ATXN1: variants seen among roughly 807,000 people sequenced by gnomAD.
ATXN1 encodes ataxin-1.
In ATXN1, 8 loss-of-function variants were observed where a neutral mutation model predicts 56.4. The ratio of observed to expected loss-of-function variants is 0.14; its 90% CI spans 0.08 to 0.26. The LOEUF (loss-of-function observed/expected upper bound fraction) is 0.26. Ranked by LOEUF, ATXN1 falls within the 10% of genes least tolerant of loss-of-function variation. ATXN1 has a pLI of 1.00. For synonymous variants in ATXN1, 514 were observed against 494.6 expected, an observed-to-expected ratio of 1.04 and a Z score of -0.52; for missense variants, 987 against 1,106.5, an observed-to-expected ratio of 0.89 and a Z score of 1.53.
At chr6:16,753,163 C>T in intron 2 of ATXN1, 70 bp downstream of exon 2, 1 of 447,388 alleles carries the variant, frequency 2.2e-6, no homozygotes, top group Admixed American at 2.4e-5. Context: ...GGGAGCATGG[C>T]TAGGAGGCAA....
At chr6:16,537,867 C>A (rs1277856596) in intron 4 of ATXN1, among the ~76,000 whole-genome samples, 1 of 152,120 alleles carries the variant, frequency 6.6e-6, no homozygotes, top group African/African-American at 2.4e-5. Flanking sequence ...CTTTGGGAGG[C>A]CAAGGTGGGC....
intron 4 of ATXN1, among the ~76,000 whole-genome samples, chr6:16,527,337 G>C (rs184925595): frequency 6.6e-6 from 1 of 152,232 alleles, no homozygotes; most frequent in African/African-American, 2.4e-5. Flanking sequence ...AGACACGAAT[G>C]CAGTTAACCT....
At chr6:16,638,001 A>G (rs1227929174) in intron 3 of ATXN1, among the ~76,000 whole-genome samples, 1 of 152,228 alleles carries the variant, frequency 6.6e-6, no homozygotes, top group African/African-American at 2.4e-5. Flanking sequence ...TACTAGTATG[A>G]AAGAGAAATA....
At chr6:16,330,251 C>T (rs1007412846) in intron 6 of ATXN1, among the ~76,000 whole-genome samples, 4 of 151,990 alleles carry the variant, frequency 2.6e-5, no homozygotes, top group Non-Finnish European at 5.9e-5. Context: ...AATAAAGTAG[C>T]GGCCTTCAGC....
intron 2 of ATXN1, among the ~76,000 whole-genome samples, chr6:16,734,910 T>C (rs1300142152): frequency 3.3e-5 from 5 of 152,220 alleles, no homozygotes; most frequent in African/African-American, 9.6e-5. Flanking sequence ...TTTTAAAATA[T>C]GGGTGTAGAG....
At chr6:16,411,410 G>A (rs1758797377) in intron 6 of ATXN1, among the ~76,000 whole-genome samples, 1 of 152,054 alleles carries the variant, frequency 6.6e-6, no homozygotes, top group South Asian at 2.1e-4. Context: ...TGCAAAAATG[G>A]GAAATTGAAG....
chr6:16,707,454 T>C lies in ATXN1; in HGVS notation c.-615+45779A>G, dbSNP rs1057278355. 1.3e-5 allele frequency among the ~76,000 whole-genome samples: 2 copies of C among 152,220 alleles called. 1 individual carries two copies. The highest frequency in any genetic ancestry group is 2.9e-5 in the Non-Finnish European group (2 of 68,024). On this transcript the variant is annotated intron_variant, in intron 2 of 7. Coordinates refer to ENST00000436367, the MANE Select transcript of ATXN1 (RefSeq NM_001128164.2). ...GCCACTACTCTAACCTGGACCCTCC[T>C]AAAGTCTCCTGGACTTCTTCAAGAG...
intron 3 of ATXN1, among the ~76,000 whole-genome samples, chr6:16,645,665 C>A (rs1763787885): frequency 6.6e-6 from 1 of 152,162 alleles, no homozygotes; most frequent in Admixed American, 6.5e-5. Flanking sequence ...ATATTAATAA[C>A]ATATAATTGA....
At chr6:16,743,027 T>C (rs192313702) in intron 2 of ATXN1, among the ~76,000 whole-genome samples, 52 of 152,316 alleles carry the variant, frequency 3.4e-4, no homozygotes, top group African/African-American at 1.2e-3. Flanking sequence ...AGAAAACAGA[T>C]GTTAAGAACG....
At chr6:16,515,475 G>A (rs1761164301) in intron 5 of ATXN1, among the ~76,000 whole-genome samples, 1 of 152,160 alleles carries the variant, frequency 6.6e-6, no homozygotes, top group Non-Finnish European at 1.5e-5. Context: ...GAATCTGTCA[G>A]TGGCTGGGAC....
chr6:16,682,441 TC>T (rs1452223090), intron 2 of ATXN1, among the ~76,000 whole-genome samples: 1 of 151,788 alleles, frequency 6.6e-6, no homozygotes, highest in Non-Finnish European at 1.5e-5. Flanking sequence ...AGGTGATCTG[TC>T]CGCCTCGGCC....
At chr6:16,529,803 G>A (rs1345075451) in intron 4 of ATXN1, among the ~76,000 whole-genome samples, 1 of 152,126 alleles carries the variant, frequency 6.6e-6, no homozygotes, top group African/African-American at 2.4e-5. Context: ...TCTATGAGGA[G>A]CACTTTTCAC....
At chr6:16,508,227 T>C (rs1296514069) in intron 5 of ATXN1, among the ~76,000 whole-genome samples, 3 of 152,340 alleles carry the variant, frequency 2.0e-5, no homozygotes, top group Non-Finnish European at 2.9e-5. Context: ...ACCTGCCATG[T>C]AGTTCAAAAC....
rs534536870 is a variant in ATXN1, at chr6:16,593,792, T to C, written c.-488-7885A>G. On this transcript the variant is annotated intron_variant, in intron 3 of 7. Transcript: ENST00000436367. ...TAGTTCCTTCATATTCACTGCTGTATAATATTCCATTCTGTGAAGCAAAAA... is the reference window on the plus strand; with the variant it reads ...TAGTTCCTTCATATTCACTGCTGTACAATATTCCATTCTGTGAAGCAAAAA... 1.5e-3 allele frequency among the ~76,000 whole-genome samples: 229 copies of C among 151,580 alleles called. 1 individual carries two copies. Among genetic ancestry groups the C allele is most frequent in the African/African-American group, 5.3e-3 (221 of 41,370 alleles).
intron 6 of ATXN1, among the ~76,000 whole-genome samples, chr6:16,405,771 T>C (rs1267004229): frequency 6.6e-6 from 1 of 152,192 alleles, no homozygotes; most frequent in East Asian, 1.9e-4. Flanking sequence ...CTAATATTTG[T>C]GCATACCATG....
intron 6 of ATXN1, among the ~76,000 whole-genome samples, chr6:16,462,005 C>G (rs572010686): frequency 5.3e-5 from 8 of 152,312 alleles, no homozygotes; most frequent in African/African-American, 1.7e-4. Context: ...CCTACTTGAT[C>G]AGGAAACGGC....
intron 4 of ATXN1, among the ~76,000 whole-genome samples, chr6:16,544,397 C>T (rs760490999): frequency 6.6e-6 from 1 of 152,150 alleles, no homozygotes; most frequent in East Asian, 1.9e-4. Flanking sequence ...ATCCGCAGGT[C>T]GGGACCCTCC....
intron 3 of ATXN1, among the ~76,000 whole-genome samples, chr6:16,617,039 C>T (rs962795218): frequency 5.9e-5 from 9 of 152,094 alleles, no homozygotes; most frequent in South Asian, 2.1e-4. Flanking sequence ...CAGGAAAAAA[C>T]ACAATCTATA....
chr6:16,586,619 A>C (rs1762629420), intron 3 of ATXN1, among the ~76,000 whole-genome samples: 1 of 152,254 alleles, frequency 6.6e-6, no homozygotes, highest in African/African-American at 2.4e-5. Context: ...AACGGATGTT[A>C]AAGCCAGTAC....
Sources: gnomAD v4.1 joint callset for allele counts (sites outside exome capture counted in the v4.1 genomes callset) on GRCh38, gnomAD v4.1.1 for gene constraint, MANE v1.5 for transcripts, NCBI Gene and HGNC (gene_info 2026-07-23, HGNC 2026-07-21) for gene names.